Variants in PDE1A observed in about 807,000 individuals in gnomAD.
PDE1A encodes the protein dual specificity calcium/calmodulin-dependent 3',5'-cyclic nucleotide phosphodiesterase 1A.
Under a neutral mutation model 61.7 loss-of-function variants are expected in PDE1A, and 35 were observed. That is an observed-to-expected ratio of 0.57 (90% CI 0.43 to 0.75). The LOEUF is 0.75. PDE1A is among the 30% of genes least tolerant of loss of function. The probability of loss-of-function intolerance (pLI) is 0.00; values close to 1 mark genes in which losing one functional copy is unlikely to be tolerated. For synonymous variants in PDE1A, 232 were observed against 213.2 expected (o/e 1.09, Z -0.77); for missense variants, 597 against 630.6 (o/e 0.95, Z 0.57).
chr2:182,144,186 A>G (rs2125255809), downstream of PDE1A, among the ~76,000 whole-genome samples: 1 of 152,352 alleles, frequency 6.6e-6, no homozygotes, highest in South Asian at 2.1e-4. Flanking sequence ...AACGTTAAAG[A>G]GTAGACACCG....
the PDE1A span, among the ~76,000 whole-genome samples, chr2:182,673,554 T>C: frequency 9.2e-5 from 14 of 152,248 alleles, no homozygotes; most frequent in African/African-American, 3.4e-4. Context: ...ACTTAAAATA[T>C]GTAGTATATT....
At chr2:182,321,105 G>C (rs1353515544) in intron 1 of PDE1A, among the ~76,000 whole-genome samples, 1 of 152,080 alleles carries the variant, frequency 6.6e-6, no homozygotes, top group East Asian at 1.9e-4. Flanking sequence ...TGACTTGTGA[G>C]TGACTGTTTA....
chr2:182,653,412 T>C, the PDE1A span, among the ~76,000 whole-genome samples: 2 of 152,180 alleles, frequency 1.3e-5, no homozygotes, highest in South Asian at 2.1e-4. Context: ...TTGGTTTTTT[T>C]CGAGGGGATG....
At chr2:182,588,850 C>T in the PDE1A span, among the ~76,000 whole-genome samples, 3 of 151,938 alleles carry the variant, frequency 2.0e-5, no homozygotes, top group East Asian at 1.9e-4. Context: ...TCAAGGCCAG[C>T]TTGGCCAACA....
intron 13 of PDE1A, 147 bp downstream of exon 13, chr2:182,185,745 T>C (rs1559152550): frequency 2.8e-6 from 4 of 1,444,692 alleles, no homozygotes; most frequent in South Asian, 1.3e-5. Context: ...AACTTTCTCA[T>C]GAATGATCAA....
intron 2 of PDE1A, among the ~76,000 whole-genome samples, chr2:182,518,308 T>TACACA (rs942822885): frequency 6.6e-6 from 1 of 152,192 alleles, no homozygotes; most frequent in Non-Finnish European, 1.5e-5. Context: ...ATCTGAGAAC[T>TACACA]ACACAACATA....
intron 1 of PDE1A, among the ~76,000 whole-genome samples, chr2:182,296,327 G>C (rs1486996102): frequency 6.6e-6 from 1 of 152,126 alleles, no homozygotes; most frequent in Non-Finnish European, 1.5e-5. Flanking sequence ...ATAGGACAGT[G>C]GGGATGAAGT....
At chr2:182,701,829 C>A in the PDE1A span, among the ~76,000 whole-genome samples, 284 of 152,212 alleles carry the variant, frequency 1.9e-3, 1 homozygote, top group African/African-American at 6.6e-3. Context: ...AAGCACAGAG[C>A]TTTTATTCCA....
chr2:182,186,614 G>A (rs928737918), intron 11 of PDE1A, 26 bp from the exon 12 acceptor site: 12 of 1,575,712 alleles, frequency 7.6e-6, no homozygotes, highest in African/African-American at 2.7e-5. Context: ...TGAGAAGAGA[G>A]AGAGATAAAT....
chr2:182,521,089 GT>G lies in PDE1A; in HGVS notation c.101+1186del, dbSNP rs1431220389. 9.9e-5 allele frequency among the ~76,000 whole-genome samples: 15 copies of G among 152,050 alleles called. No homozygotes were observed. In the South Asian group the frequency reaches 2.1e-3, roughly 21 times the overall value. Reference sequence around the variant, plus strand: ...TTACACTAATGCACTGTAAAGCCATGTATTACTTCAAGAAGTAAGAAAATAT... The same window carrying G: ...TTACACTAATGCACTGTAAAGCCATGATTACTTCAAGAAGTAAGAAAATAT... On this transcript the variant is annotated intron_variant, in intron 2 of 14. Transcript: ENST00000410103.
intron 1 of PDE1A, among the ~76,000 whole-genome samples, chr2:182,360,653 A>G (rs1191052888): frequency 6.6e-6 from 1 of 151,982 alleles, no homozygotes. Flanking sequence ...TTCCTTTAAA[A>G]TATGACGACA....
the PDE1A span, among the ~76,000 whole-genome samples, chr2:182,638,646 C>T: frequency 1.4e-3 from 212 of 152,194 alleles, 3 homozygotes; most frequent in African/African-American, 4.8e-3. Context: ...TTATTTTCAG[C>T]GAAAAACATT....
chr2:182,707,540 A>G, the PDE1A span, among the ~76,000 whole-genome samples: 2 of 147,424 alleles, frequency 1.4e-5, no homozygotes, highest in African/African-American at 5.1e-5. Context: ...CTTAGATGAA[A>G]TAGACAAATT....
chr2:182,404,440 T>C (rs1209940307), intron 1 of PDE1A, among the ~76,000 whole-genome samples: 1 of 152,220 alleles, frequency 6.6e-6, no homozygotes, highest in Non-Finnish European at 1.5e-5. Context: ...ACTAAATTTG[T>C]TTTTTAAATG....
chr2:182,169,891 GACACAC>G (rs748862736), intron 13 of PDE1A, among the ~76,000 whole-genome samples: 27 of 140,140 alleles, frequency 1.9e-4, no homozygotes, highest in South Asian at 1.4e-3. Context: ...GTGGACAGGA[GACACAC>G]ACACACACAC....
chr2:182,617,332 A>G, the PDE1A span, among the ~76,000 whole-genome samples: 60,655 of 151,992 alleles, frequency 0.4, 13,560 homozygotes, highest in East Asian at 0.58. Context: ...GTCACACATC[A>G]TTTCAGGGAA....
the PDE1A span, among the ~76,000 whole-genome samples, chr2:182,612,897 C>T: frequency 6.6e-6 from 1 of 152,188 alleles, no homozygotes; most frequent in East Asian, 1.9e-4. Context: ...GCGAGATCGG[C>T]CTCCTCCATA....
At position 182,345,735 on chromosome 2, in the gene PDE1A, T is replaced by A. The variant is rs140734458; in HGVS notation, c.53+80843A>T. On this transcript the variant is annotated intron_variant, in intron 1 of 13. Coordinates refer to ENST00000351439, the Ensembl canonical transcript of PDE1A. ...AGGTTCTGTGTGGCTTGTTCCCTCA[T>A]CCACTTCAAGTCTTTGCTCCATCTC... 8.1e-3 allele frequency among the ~76,000 whole-genome samples: 1,238 copies of A among 152,240 alleles called. 11 individuals are homozygous for A. The highest frequency in any genetic ancestry group is 0.03 in the South Asian group (143 of 4,828).
chr2:182,571,246 A>G, the PDE1A span, among the ~76,000 whole-genome samples: 1 of 152,210 alleles, frequency 6.6e-6, no homozygotes, highest in African/African-American at 2.4e-5. Context: ...CATGTTTTTC[A>G]TATGCTTTCT....
Sources: allele counts gnomAD v4.1 joint callset (sites outside exome capture counted in the v4.1 genomes callset), GRCh38; gene constraint gnomAD v4.1.1; transcripts MANE v1.5; gene names NCBI Gene and HGNC (gene_info 2026-07-23, HGNC 2026-07-21).